The following ZNF282 variants were observed in gnomAD, a reference collection of about 807,000 sequenced individuals.
ZNF282 encodes zinc finger protein 282.
A neutral mutation model predicts 61.9 loss-of-function variants in ZNF282; 30 were observed. The ratio of observed to expected loss-of-function variants is 0.48; its 90% CI spans 0.36 to 0.66. The LOEUF (loss-of-function observed/expected upper bound fraction) is 0.66. Among genes scored for constraint, ZNF282 ranks in the 30% least tolerant of loss-of-function variants. The pLI, the probability that ZNF282 is intolerant of heterozygous loss-of-function variation, is 0.00. For synonymous variants in ZNF282, 396 were observed against 405.0 expected, an observed-to-expected ratio of 0.98 and a Z score of 0.27; for missense variants, 788 against 941.4, an observed-to-expected ratio of 0.84 and a Z score of 2.13.
chr7:149,212,212 A>G (rs1162255847), intron 5 of ZNF282, 146 bp from the exon 6 acceptor site: 7 of 566,944 alleles, frequency 1.2e-5, no homozygotes, highest in Admixed American at 3.6e-5. Flanking sequence ...GCTGACTTCA[A>G]CCTTTAGTTA....
chr7:149,224,577 T>A lies in ZNF282; in HGVS notation c.1946T>A (p.Leu649Gln). 1 of 1,599,172 alleles carries A rather than the reference T, an allele frequency of 6.3e-7. No homozygotes were observed. The highest frequency in any genetic ancestry group is 8.5e-7 in the Non-Finnish European group (1 of 1,176,078). The change falls in exon 8 of 8, where the codon CTG (leucine) becomes CAG (glutamine). Residue 649 changes from leucine (L) to glutamine (Q), a missense_variant. By Grantham distance (113) the Leu-to-Gln change is moderately radical. Coordinates refer to ENST00000610704, the MANE Select transcript of ZNF282 (RefSeq NM_003575.4). ...TACAAGGAGTCGCTCAAGGACCACC[T>A]GCGCGTGCACAGCGGCGGCCCGGGC... ...FRYKESLKDHLRVHSGGPGPG... is the reference protein window; with the variant it reads ...FRYKESLKDHQRVHSGGPGPG...
rs36096302 is a variant in ZNF282, at chr7:149,215,195, A to ATTTTT, written c.1180+1402_1180+1406dup. On this transcript the variant is annotated intron_variant, in intron 7 of 7. Transcript: ENST00000610704. The stretch of plus-strand genomic sequence containing the variant: ...GTGTTCCCTGTCCATATTTCCTGAC[A>ATTTTT]TTTTTTTTTTTTTTTTTTTTTTTTT... 2.9e-4 allele frequency among the ~76,000 whole-genome samples: 26 copies of ATTTTT among 90,692 alleles called. 1 individual carries two copies. Among genetic ancestry groups the ATTTTT allele is most frequent in the East Asian group, 1.0e-3 (3 of 2,942 alleles). 59.5% of individuals were successfully genotyped at this position (90,692 alleles called of 152,430 possible).
chr7:149,195,720 G>A lies in ZNF282; in HGVS notation c.131G>A (p.Arg44His). ...GTCTGCCACCAGGAGCCGGCGCTGC[G>A]CGGGGAAATGGCCGAGGGAATGCCG... The part of the protein sequence containing the change: ...EEVCHQEPAL[R>H]GEMAEGMPPM... The change falls in exon 1 of 8, where the codon CGC (arginine) becomes CAC (histidine). Residue 44 changes from arginine (R) to histidine (H), a missense_variant. Around this residue, in one of 3 missense-constraint regions of ZNF282, gnomAD observed 137 missense variants for 135.4 expected, o/e 1.01. Coordinates refer to ENST00000610704, the MANE Select transcript of ZNF282 (RefSeq NM_003575.4). 6.5e-7 allele frequency: 1 copy of A among 1,544,108 alleles called. No individual in the cohort carries two copies. Among genetic ancestry groups the A allele is most frequent in the Non-Finnish European group, 8.7e-7 (1 of 1,146,120 alleles).
chr7:149,203,598 C>G (rs1432751070), intron 2 of ZNF282, among the ~76,000 whole-genome samples: 1 of 152,228 alleles, frequency 6.6e-6, no homozygotes, highest in African/African-American at 2.4e-5. Flanking sequence ...CTCAAGCAGT[C>G]TTCCTGCCTT....
intron 1 of ZNF282, 123 bp downstream of exon 1, chr7:149,195,877 G>T (rs1795807953): frequency 6.5e-6 from 6 of 918,368 alleles, no homozygotes; most frequent in Non-Finnish European, 8.0e-6. Flanking sequence ...TCCGCGCCCA[G>T]GCGAGGCCCG....
In ZNF282 at chr7:149,217,796, G is replaced by A. The variant is rs182479515; in HGVS notation, c.1180+3982G>A. ...GTGCCCTTGGCAGTGGGAAGGAGCC[G>A]GCCGTGGGGTTGCAGGGGGAAGAGA... On this transcript the variant is annotated intron_variant, in intron 7 of 7. Transcript: ENST00000610704. Among the ~76,000 whole-genome samples the A allele has an allele frequency of 1.5e-4, 23 of 152,224 alleles. No homozygotes were observed. The East Asian group carries it at 2.9e-3, about 19-fold the overall frequency.
At chr7:149,204,166 T>TA (rs1795957487) in intron 2 of ZNF282, among the ~76,000 whole-genome samples, 1 of 151,902 alleles carries the variant, frequency 6.6e-6, no homozygotes, top group African/African-American at 2.4e-5. Flanking sequence ...GAGGAAAAAG[T>TA]AAAAAAGACA....
At chr7:149,204,744 A>T (rs1048682693) in intron 2 of ZNF282, among the ~76,000 whole-genome samples, 1 of 152,194 alleles carries the variant, frequency 6.6e-6, no homozygotes, top group Non-Finnish European at 1.5e-5. Flanking sequence ...GACAAACAAG[A>T]AGCTTCTGAA....
chr7:149,222,449 G>T (rs536491752), intron 7 of ZNF282, among the ~76,000 whole-genome samples: 1 of 152,088 alleles, frequency 6.6e-6, no homozygotes, highest in Non-Finnish European at 1.5e-5. Flanking sequence ...TTTCACCTTG[G>T]ATAAAATTCT....
chr7:149,213,895 TC>T (rs1399122436), intron 7 of ZNF282, 81 bp downstream of exon 7: 1 of 973,724 alleles, frequency 1.0e-6, no homozygotes, highest in African/African-American at 1.6e-5. Flanking sequence ...CTGGTCCTCT[TC>T]TCAGCTCACC....
At chr7:149,214,934 G>A (rs1036870192) in intron 7 of ZNF282, among the ~76,000 whole-genome samples, 1 of 152,222 alleles carries the variant, frequency 6.6e-6, no homozygotes, top group African/African-American at 2.4e-5. Flanking sequence ...CAAAGAGAAA[G>A]GGAGGATTGT....
rs555670008 is a variant in ZNF282 at position 149,195,807 on chromosome 7, G to C, written c.165+53G>C. On this transcript the variant is annotated intron_variant, in intron 1 of 7. Coordinates refer to ENST00000610704, the MANE Select transcript of ZNF282 (RefSeq NM_003575.4). ...CGCGCTGCCGTGGGGGCGGGGCGCG[G>C]GCTGGGCCGCGGGACCGGGCCGCGC... 6.8e-4 allele frequency: 942 copies of C among 1,377,244 alleles called. 7 individuals are homozygous for C. The African/African-American group carries it at 0.013, about 18-fold the overall frequency. 85.3% of individuals were successfully genotyped at this position (1,377,244 alleles called of 1,614,324 possible). A position where few individuals can be genotyped will look rare whatever the true frequency, so the allele number is the denominator to read the frequency against.
intron 2 of ZNF282, among the ~76,000 whole-genome samples, chr7:149,206,242 G>A (rs1423025356): frequency 6.6e-6 from 1 of 152,166 alleles, no homozygotes; most frequent in Non-Finnish European, 1.5e-5. Context: ...CTTAGCACAG[G>A]CCTTAGATTT....
At chr7:149,203,538 G>A (rs1218335760) in intron 2 of ZNF282, among the ~76,000 whole-genome samples, 1 of 152,160 alleles carries the variant, frequency 6.6e-6, no homozygotes, top group Non-Finnish European at 1.5e-5. Flanking sequence ...TTTATTCTTT[G>A]TAGTGACAGG....
At chr7:149,215,466 G>A (rs1184280470) in intron 7 of ZNF282, among the ~76,000 whole-genome samples, 1 of 152,160 alleles carries the variant, frequency 6.6e-6, no homozygotes, top group Non-Finnish European at 1.5e-5. Context: ...GCCTCTCAAA[G>A]TGCTGGGATT....
At chr7:149,211,193 C>T (rs1563178308) in intron 5 of ZNF282, among the ~76,000 whole-genome samples, 4 of 152,156 alleles carry the variant, frequency 2.6e-5, no homozygotes, top group Admixed American at 6.5e-5. Context: ...TGGACTCTGT[C>T]GTAGGTGAGA....
chr7:149,198,737 G>C lies in ZNF282; in HGVS notation c.570G>C (p.Lys190Asn). The change falls in exon 2 of 8, where the codon AAG becomes AAC. Residue 190 changes from lysine to asparagine, a missense_variant. This residue lies in a region of ZNF282 where 92 missense variants were observed against 163.9 expected (regional missense o/e 0.56). Coordinates refer to ENST00000610704, the MANE Select transcript of ZNF282 (RefSeq NM_003575.4). This position sits in a 1 kb window ranked among gnomAD's most constrained non-coding sequence, Gnocchi z 4.3. ...FWVLRLPPGS[K>N]GEAPKVPVTF... ...TCCTGCGGCTGCCCCCGGGCAGCAA[G>C]GGGGAGGCCCCCAAGGTATGTGGTG... The C allele has an allele frequency of 6.2e-7, 1 of 1,613,512 alleles. No homozygotes were observed.
intron 2 of ZNF282, among the ~76,000 whole-genome samples, chr7:149,205,477 G>T (rs559816037): frequency 1.3e-5 from 2 of 152,228 alleles, no homozygotes; most frequent in African/African-American, 4.8e-5. Context: ...TGAAGAAAGG[G>T]ATCTGTATTA....
In ZNF282 at chr7:149,198,239, G is replaced by C; in HGVS notation, c.166-94G>C. On this transcript the variant is annotated intron_variant, in intron 1 of 7. Coordinates refer to ENST00000610704, the MANE Select transcript of ZNF282 (RefSeq NM_003575.4). The surrounding 1 kb of genome is among the most constrained non-coding windows in gnomAD (Gnocchi z 4.3). Reference sequence around the variant, plus strand: ...GGGCCTGGCAGAAGAAAGACGACATGTAGCATCTGATTAGTTGACCCCTGT... The same window carrying C: ...GGGCCTGGCAGAAGAAAGACGACATCTAGCATCTGATTAGTTGACCCCTGT... 1 of 1,421,920 alleles carries C rather than the reference G, an allele frequency of 7.0e-7. No homozygotes were observed. Among genetic ancestry groups the C allele is most frequent in the East Asian group, 2.3e-5 (1 of 43,464 alleles). 88.1% of individuals were successfully genotyped at this position (1,421,920 alleles called of 1,614,324 possible). A position where few individuals can be genotyped will look rare whatever the true frequency, so the allele number is the denominator to read the frequency against.
Sources: allele counts gnomAD v4.1 joint callset (sites outside exome capture counted in the v4.1 genomes callset), GRCh38; gene constraint gnomAD v4.1.1; regional missense constraint gnomAD v4.1.1; non-coding constraint Gnocchi (gnomAD v3.1); transcripts MANE v1.5; gene names NCBI Gene and HGNC (gene_info 2026-07-23, HGNC 2026-07-21).